UBR3: variants seen among roughly 807,000 people sequenced by gnomAD.
UBR3 encodes the protein E3 ubiquitin-protein ligase UBR3.
Under a neutral mutation model 243.2 loss-of-function variants are expected in UBR3, and 85 were observed. The ratio of observed to expected loss-of-function variants is 0.35; its 90% confidence interval spans 0.29 to 0.42. The LOEUF (loss-of-function observed/expected upper bound fraction) is 0.42. Ranked by LOEUF, UBR3 falls within the 10% of genes least tolerant of loss-of-function variation. The pLI is 1.00. For synonymous variants in UBR3, 748 were observed against 799.8 expected (o/e 0.94, Z 1.09); for missense variants, 1,686 against 2,300.8 (o/e 0.73, Z 5.47).
At chr2:169,839,625 A>T (rs1041116113) in intron 1 of UBR3, among the ~76,000 whole-genome samples, 2 of 152,248 alleles carry the variant, frequency 1.3e-5, no homozygotes, top group Admixed American at 1.3e-4. Flanking sequence ...ACATTATTAC[A>T]TGTACTCAGA....
intron 32 of UBR3, among the ~76,000 whole-genome samples, chr2:170,043,317 T>G (rs2091012374): frequency 6.6e-6 from 1 of 152,162 alleles, no homozygotes; most frequent in African/African-American, 2.4e-5. Context: ...AGCTGGTGCA[T>G]CACCCTCGTT....
chr2:169,882,366 TGTAAATATATATTATATATA>T (rs1422465639), intron 5 of UBR3, among the ~76,000 whole-genome samples: 1 of 140,384 alleles, frequency 7.1e-6, no homozygotes, highest in Non-Finnish European at 1.5e-5. Flanking sequence ...ATATTATATA[TGTAAATATATATTATATATA>T]AAAATATATA....
Position 170,047,270 on chromosome 2 carries a change from A to G in UBR3, c.4660+6285A>G, listed in dbSNP as rs373436624. Among the ~76,000 whole-genome samples the G allele has an allele frequency of 2.0e-5, 3 of 152,092 alleles. No homozygotes were observed. The South Asian group carries it at 6.2e-4, about 32-fold the overall frequency. On this transcript the variant is annotated intron_variant, in intron 32 of 38. Coordinates refer to ENST00000272793, the MANE Select transcript of UBR3 (RefSeq NM_172070.4). Reference sequence around the variant, plus strand: ...AGGAATCCACCTGCCTTGGCCTCCCAAGGTGCTGGAATTACAGGCATGAGC... The same window carrying G: ...AGGAATCCACCTGCCTTGGCCTCCCGAGGTGCTGGAATTACAGGCATGAGC...
chr2:169,925,120 C>G (rs940295378), intron 13 of UBR3, among the ~76,000 whole-genome samples: 2 of 152,156 alleles, frequency 1.3e-5, no homozygotes, highest in Non-Finnish European at 2.9e-5. Context: ...GTAGTGAGAA[C>G]ATTTATTCTA....
intron 5 of UBR3, among the ~76,000 whole-genome samples, chr2:169,881,134 T>C (rs2083804789): frequency 6.6e-6 from 1 of 152,186 alleles, no homozygotes. Context: ...GCATGTGATG[T>C]ATATTTAATA....
At chr2:169,874,851 T>G (rs1014259797) in intron 2 of UBR3, among the ~76,000 whole-genome samples, 1 of 152,126 alleles carries the variant, frequency 6.6e-6, no homozygotes. Flanking sequence ...ATAGGTGTGG[T>G]TTTGTTCATT....
intron 10 of UBR3, among the ~76,000 whole-genome samples, chr2:169,908,312 A>G (rs2085098424): frequency 6.6e-6 from 1 of 152,222 alleles, no homozygotes; most frequent in African/African-American, 2.4e-5. Context: ...ATGAAGAACA[A>G]TTAATGTTAA....
At chr2:170,027,382 A>G (rs998818378) in intron 30 of UBR3, among the ~76,000 whole-genome samples, 5 of 151,500 alleles carry the variant, frequency 3.3e-5, no homozygotes, top group Non-Finnish European at 5.9e-5. Flanking sequence ...TTCTCTGGAC[A>G]TATTTTCTTA....
At chr2:169,840,112 C>G (rs73022460) in intron 1 of UBR3, among the ~76,000 whole-genome samples, 6,561 of 152,194 alleles carry the variant, frequency 0.043, 163 homozygotes, top group Middle Eastern at 0.068. Flanking sequence ...TACAGGCATA[C>G]CTCCCGAGTC....
intron 32 of UBR3, among the ~76,000 whole-genome samples, chr2:170,044,293 G>A (rs2091033400): frequency 6.6e-6 from 1 of 152,156 alleles, no homozygotes; most frequent in South Asian, 2.1e-4. Context: ...TTACTAGAAC[G>A]TTAAATGCTT....
intron 19 of UBR3, among the ~76,000 whole-genome samples, chr2:169,937,544 G>A (rs754929601): frequency 5.9e-5 from 9 of 152,148 alleles, no homozygotes; most frequent in Non-Finnish European, 4.4e-5. Context: ...GGCTTTTGTT[G>A]CCATTGCTTT....
chr2:169,838,287 A>G, intron 1 of UBR3, among the ~76,000 whole-genome samples: 2 of 152,184 alleles, frequency 1.3e-5, no homozygotes, highest in Non-Finnish European at 2.9e-5. Context: ...ATTGCCATCC[A>G]TCTTAGTCTG....
chr2:170,052,895 G>C (rs528430578), intron 32 of UBR3, among the ~76,000 whole-genome samples: 4 of 152,286 alleles, frequency 2.6e-5, no homozygotes, highest in African/African-American at 9.6e-5. Context: ...GAATATGTTA[G>C]TTAACTTGAT....
At chr2:169,938,452 G>A (rs1434360821) in intron 19 of UBR3, among the ~76,000 whole-genome samples, 1 of 151,100 alleles carries the variant, frequency 6.6e-6, no homozygotes, top group Non-Finnish European at 1.5e-5. Context: ...GTAGAGATGG[G>A]GTCTCTACAT....
intron 1 of UBR3, among the ~76,000 whole-genome samples, chr2:169,828,534 A>G (rs144974134): frequency 0.03 from 4,498 of 152,054 alleles, 113 homozygotes; most frequent in Non-Finnish European, 0.039. Context: ...TTGTACGTGC[A>G]GGGAAGGACG....
At chr2:169,985,596 C>A (rs1310223613) in intron 24 of UBR3, among the ~76,000 whole-genome samples, 1 of 152,086 alleles carries the variant, frequency 6.6e-6, no homozygotes, top group African/African-American at 2.4e-5. Context: ...TTTTGACCTA[C>A]TAGTGTATTT....
chr2:169,839,725 AAGGG>A (rs1351391528), intron 1 of UBR3, among the ~76,000 whole-genome samples: 13 of 152,182 alleles, frequency 8.5e-5, no homozygotes, highest in Admixed American at 5.2e-4. Context: ...GTTCATTATG[AAGGG>A]AGGAACAGGC....
chr2:169,836,063 ATATATTTTTTTTTTTT>A (rs2082099268), intron 1 of UBR3, among the ~76,000 whole-genome samples: 2 of 26,614 alleles, frequency 7.5e-5, no homozygotes, highest in African/African-American at 1.0e-4. Context: ...ATATATATAT[ATATATTTTTTTTTTTT>A]TTTTTTTTTT....
chr2:169,877,420 A>C, intron 3 of UBR3, 74 bp from the exon 4 acceptor site: 1 of 1,293,542 alleles, frequency 7.7e-7, no homozygotes. Flanking sequence ...ATTTATAGAT[A>C]CTAGTTAATG....
Sources: allele counts gnomAD v4.1 joint callset (sites outside exome capture counted in the v4.1 genomes callset), GRCh38; gene constraint gnomAD v4.1.1; transcripts MANE v1.5; gene names NCBI Gene and HGNC (gene_info 2026-07-23, HGNC 2026-07-21).